Variants in KLHL1 observed in about 807,000 individuals in gnomAD.
The protein encoded by KLHL1 is kelch like family member 1, also known as kelch-like protein 1.
A neutral mutation model predicts 77.7 loss-of-function variants in KLHL1; 47 were observed. The observed-to-expected ratio is 0.60, with a 90% CI of 0.48 to 0.77. The LOEUF (loss-of-function observed/expected upper bound fraction) is 0.77. Ranked by LOEUF, KLHL1 falls within the 30% of genes least tolerant of loss-of-function variation. The pLI, the probability that KLHL1 is intolerant of heterozygous loss-of-function variation, is 0.00. For missense variants in KLHL1, 925 were observed against 910.8 expected (o/e 1.02, Z -0.20); for synonymous variants, 360 against 325.2 (o/e 1.11, Z -1.15).
chr13:69,992,933 A>T (rs955374267), intron 1 of KLHL1, among the ~76,000 whole-genome samples: 1 of 151,788 alleles, frequency 6.6e-6, no homozygotes, highest in African/African-American at 2.4e-5. Context: ...GAAAAAAAAA[A>T]CATGTACCTT....
chr13:69,953,258 A>G (rs1691153787), intron 3 of KLHL1, among the ~76,000 whole-genome samples: 1 of 150,114 alleles, frequency 6.7e-6, no homozygotes, highest in Non-Finnish European at 1.5e-5. Flanking sequence ...GGTATCATCT[A>G]TGTAACTTCC....
chr13:69,944,789 A>G (rs1208051775), intron 3 of KLHL1, among the ~76,000 whole-genome samples: 1 of 152,154 alleles, frequency 6.6e-6, no homozygotes, highest in Non-Finnish European at 1.5e-5. Context: ...TGAGAATAAG[A>G]GCACTACCTG....
At chr13:69,775,435 CTT>C (rs914576547) in intron 7 of KLHL1, among the ~76,000 whole-genome samples, 43 of 152,014 alleles carry the variant, frequency 2.8e-4, no homozygotes. Flanking sequence ...AGGGTATACT[CTT>C]TTAATTAAAA....
chr13:69,730,855 C>G (rs1873512253), intron 8 of KLHL1, among the ~76,000 whole-genome samples: 2 of 152,256 alleles, frequency 1.3e-5, no homozygotes, highest in South Asian at 4.1e-4. Context: ...GTTGGAATGA[C>G]AGGGGTGAGC....
chr13:69,926,970 A>AAAAAAAAAAAAAAT, intron 4 of KLHL1, among the ~76,000 whole-genome samples: 1 of 146,126 alleles, frequency 6.8e-6, no homozygotes, highest in Non-Finnish European at 1.5e-5. Context: ...AAAAAAAAAA[A>AAAAAAAAAAAAAAT]GCAGAGAATT....
intron 6 of KLHL1, among the ~76,000 whole-genome samples, chr13:69,801,729 A>G (rs1376894321): frequency 6.6e-6 from 1 of 152,164 alleles, no homozygotes; most frequent in Non-Finnish European, 1.5e-5. Context: ...ATTTATGTCC[A>G]ATTTTATAAA....
chr13:69,740,779 A>G (rs1271290258), intron 7 of KLHL1, among the ~76,000 whole-genome samples: 1 of 152,218 alleles, frequency 6.6e-6, no homozygotes, highest in African/African-American at 2.4e-5. Flanking sequence ...TAAGAAAACT[A>G]TTACAATCTC....
chr13:69,996,128 C>T (rs887677043), intron 1 of KLHL1, among the ~76,000 whole-genome samples: 2 of 152,006 alleles, frequency 1.3e-5, no homozygotes, highest in South Asian at 4.2e-4. Flanking sequence ...CATGGTAAAA[C>T]CCTGTCTCTA....
intron 1 of KLHL1, among the ~76,000 whole-genome samples, chr13:70,056,552 T>C (rs531428921): frequency 3.3e-5 from 5 of 152,228 alleles, no homozygotes; most frequent in Middle Eastern, 3.4e-3. Context: ...TAAAACATTA[T>C]CAAAGATAGA....
chr13:69,920,092 C>A (rs984855333), intron 4 of KLHL1, among the ~76,000 whole-genome samples: 2 of 136,642 alleles, frequency 1.5e-5, no homozygotes, highest in African/African-American at 5.3e-5. Context: ...AAACAATTTA[C>A]AATATTGTAT....
chr13:70,073,088 C>T (rs1887175574), intron 1 of KLHL1, among the ~76,000 whole-genome samples: 1 of 152,120 alleles, frequency 6.6e-6, no homozygotes, highest in Admixed American at 6.5e-5. Flanking sequence ...ATAAATCATG[C>T]TGCTATAAAG....
chr13:69,804,553 T>G (rs1566273676), intron 6 of KLHL1, among the ~76,000 whole-genome samples: 1 of 152,164 alleles, frequency 6.6e-6, no homozygotes. Context: ...CAATGACTTT[T>G]TACTGCAATT....
At chr13:70,005,303 A>G (rs1259348910) in intron 1 of KLHL1, among the ~76,000 whole-genome samples, 3 of 151,414 alleles carry the variant, frequency 2.0e-5, no homozygotes, top group African/African-American at 7.2e-5. Context: ...AATTAAATTG[A>G]TTAAGATTAA....
chr13:69,796,810 C>T lies in KLHL1; in HGVS notation c.1567G>A (p.Val523Ile). ...GRDGLKTLNTVECYNPKTKTW... is the reference protein window; with the variant it reads ...GRDGLKTLNTIECYNPKTKTW... ...TTGGTTTTGGGATTGTAACATTCAA[C>T]AGTGTTCAATGTCTTTAAGCCATCT... Residue 523 changes from valine (V) to isoleucine (I), a missense_variant, in exon 7 of 11, where the codon GTT (valine) becomes ATT (isoleucine). Coordinates refer to ENST00000377844, the MANE Select transcript of KLHL1 (RefSeq NM_020866.3). 1 of 1,614,138 alleles carries T rather than the reference C, an allele frequency of 6.2e-7. No homozygotes were observed. Among genetic ancestry groups the T allele is most frequent in the Non-Finnish European group, 8.5e-7 (1 of 1,180,012 alleles).
intron 7 of KLHL1, 102 bp downstream of exon 7, chr13:69,796,635 CA>C (rs766441902): frequency 2.7e-5 from 24 of 892,804 alleles, no homozygotes; most frequent in Non-Finnish European, 3.9e-5. Context: ...TCCTTTATCG[CA>C]ACACAAATTT....
intron 3 of KLHL1, among the ~76,000 whole-genome samples, chr13:69,952,125 A>G (rs1320119965): frequency 6.6e-6 from 1 of 151,428 alleles, no homozygotes; most frequent in African/African-American, 2.4e-5. Flanking sequence ...GAATCTGGCA[A>G]ATAAAATAGT....
intron 3 of KLHL1, among the ~76,000 whole-genome samples, chr13:69,943,063 C>T (rs1321004836): frequency 6.6e-6 from 1 of 151,982 alleles, no homozygotes; most frequent in African/African-American, 2.4e-5. Flanking sequence ...TATATTATTT[C>T]CCCTTTATTA....
intron 1 of KLHL1, among the ~76,000 whole-genome samples, chr13:70,054,609 A>G (rs1414423049): frequency 6.6e-6 from 1 of 152,076 alleles, no homozygotes; most frequent in African/African-American, 2.4e-5. Context: ...TAAATATGTA[A>G]CCTTTCAGAC....
intron 3 of KLHL1, among the ~76,000 whole-genome samples, chr13:69,947,008 T>C (rs1173077140): frequency 3.3e-5 from 5 of 150,274 alleles, no homozygotes; most frequent in Non-Finnish European, 7.4e-5. Context: ...GAGCCTGCCA[T>C]ACAAAATTGT....
Sources: allele counts gnomAD v4.1 joint callset (sites outside exome capture counted in the v4.1 genomes callset), GRCh38; gene constraint gnomAD v4.1.1; transcripts MANE v1.5; gene names NCBI Gene and HGNC (gene_info 2026-07-23, HGNC 2026-07-21).